RAB3GAP1: variants seen among roughly 807,000 people sequenced by gnomAD.
RAB3GAP1 encodes the protein RAB3 GTPase activating protein catalytic subunit 1.
A neutral mutation model predicts 130.7 loss-of-function variants in RAB3GAP1; 86 were observed. The ratio of observed to expected loss-of-function variants is 0.66; its 90% CI spans 0.55 to 0.79. The LOEUF is 0.79. Among genes scored for constraint, RAB3GAP1 ranks in the 30% least tolerant of loss-of-function variants. RAB3GAP1 has a pLI of 0.00. For missense variants in RAB3GAP1, 1,029 were observed against 1,169.4 expected, an observed-to-expected ratio of 0.88 and a Z score of 1.75; for synonymous variants, 367 against 401.7, an observed-to-expected ratio of 0.91 and a Z score of 1.03.
chr2:135,130,775 T>C (rs1004142587), intron 13 of RAB3GAP1, 54 bp downstream of exon 13: 7 of 1,506,692 alleles, frequency 4.6e-6, no homozygotes, highest in Non-Finnish European at 4.6e-6. Context: ...TTATTCATTA[T>C]ATAGCCAGTT....
intron 17 of RAB3GAP1, among the ~76,000 whole-genome samples, chr2:135,143,791 C>T (rs966870643): frequency 1.2e-4 from 19 of 152,010 alleles, no homozygotes; most frequent in African/African-American, 3.4e-4. Context: ...TCTCCTGACC[C>T]GCCCGCCTCG....
intron 5 of RAB3GAP1, among the ~76,000 whole-genome samples, chr2:135,100,193 G>A (rs1690412442): frequency 6.6e-6 from 1 of 152,144 alleles, no homozygotes; most frequent in African/African-American, 2.4e-5. Context: ...AAAATACATG[G>A]TATTGTCAGA....
intron 5 of RAB3GAP1, among the ~76,000 whole-genome samples, chr2:135,106,756 T>TAAAAAAAAAAA (rs201827793): frequency 1.5e-5 from 1 of 65,678 alleles, no homozygotes; most frequent in African/African-American, 5.9e-5. Flanking sequence ...CAATAAATAC[T>TAAAAAAAAAAA]AAAAAAAAAA....
intron 5 of RAB3GAP1, among the ~76,000 whole-genome samples, chr2:135,103,236 T>C (rs1690504648): frequency 6.6e-6 from 1 of 151,666 alleles, no homozygotes; most frequent in African/African-American, 2.4e-5. Context: ...GGGGTTTCAA[T>C]GTGTTGCCCA....
rs1037927214 is a variant in RAB3GAP1 at position 135,052,424 on chromosome 2, C to T, written c.19-6C>T. 9.3e-6 allele frequency: 15 copies of T among 1,614,044 alleles called. No homozygotes were observed. The highest frequency in any genetic ancestry group is 1.3e-5 in the African/African-American group (1 of 74,930). ...ATTTCTTTTTCTCTCCTTCCCCTTC[C>T]CGCAGCCCGAATCCGAGGTATTTGA... On this transcript the variant is annotated splice_polypyrimidine_tract_variant and splice_region_variant and intron_variant, in intron 1 of 23. Coordinates refer to ENST00000264158, the MANE Select transcript of RAB3GAP1 (RefSeq NM_012233.3).
intron 3 of RAB3GAP1, among the ~76,000 whole-genome samples, chr2:135,067,666 T>C (rs192412991): frequency 4.4e-4 from 67 of 152,366 alleles, no homozygotes; most frequent in African/African-American, 1.6e-3. Flanking sequence ...TTATTTGCTT[T>C]GTGGCATTGT....
downstream of RAB3GAP1, among the ~76,000 whole-genome samples, chr2:135,174,614 T>G (rs576041676): frequency 2.6e-5 from 4 of 152,350 alleles, no homozygotes; most frequent in African/African-American, 9.6e-5. Flanking sequence ...TAATGACTTG[T>G]CCATGCTGTT....
intron 5 of RAB3GAP1, among the ~76,000 whole-genome samples, chr2:135,106,076 C>CA (rs2104900216): frequency 6.6e-6 from 1 of 152,106 alleles, no homozygotes; most frequent in South Asian, 2.1e-4. Context: ...CTCGGCCCGG[C>CA]AGCCGCCCCA....
rs904010292 is a variant in RAB3GAP1, at chr2:135,127,077, G to A, written c.973+421G>A. Among the ~76,000 whole-genome samples the A allele has an allele frequency of 1.8e-3, 280 of 151,498 alleles. 6 individuals are homozygous for A. The highest frequency in any genetic ancestry group is 1.0e-4 in the Non-Finnish European group (7 of 67,830). ...TTTTTAGTAGAGACGGGGTTTCACC[G>A]TGTTATCCAGGATAGTCTTGATCTC... On this transcript the variant is annotated intron_variant, in intron 11 of 23. Coordinates refer to ENST00000264158, the MANE Select transcript of RAB3GAP1 (RefSeq NM_012233.3).
At chr2:135,083,767 G>GTTTTTTT (rs34087354) in intron 3 of RAB3GAP1, among the ~76,000 whole-genome samples, 54 of 98,180 alleles carry the variant, frequency 5.5e-4, no homozygotes, top group Admixed American at 1.1e-3. Context: ...ACCCAACACG[G>GTTTTTTT]TTTTTTTTTT....
intron 18 of RAB3GAP1, among the ~76,000 whole-genome samples, chr2:135,151,801 C>T (rs1692181778): frequency 6.6e-6 from 1 of 152,242 alleles, no homozygotes; most frequent in Non-Finnish European, 1.5e-5. Context: ...TTCCATCTGA[C>T]CTCTAGCTGC....
At chr2:135,059,666 A>G (rs994869290) in intron 3 of RAB3GAP1, among the ~76,000 whole-genome samples, 3 of 152,156 alleles carry the variant, frequency 2.0e-5, no homozygotes, top group African/African-American at 7.2e-5. Flanking sequence ...TGAAATGTAC[A>G]GTCAATTAGT....
chr2:135,105,093 G>A (rs1161843078), intron 5 of RAB3GAP1, among the ~76,000 whole-genome samples: 1 of 152,168 alleles, frequency 6.6e-6, no homozygotes, highest in Non-Finnish European at 1.5e-5. Flanking sequence ...AGATCTGTGG[G>A]TCAGTGTCAA....
intron 9 of RAB3GAP1, among the ~76,000 whole-genome samples, chr2:135,124,635 A>G (rs1691299415): frequency 2.0e-5 from 3 of 152,224 alleles, no homozygotes. Context: ...ATTGCACTCC[A>G]ACCTGGGCAA....
At chr2:135,099,459 G>A (rs1055847400) in intron 5 of RAB3GAP1, among the ~76,000 whole-genome samples, 4 of 145,880 alleles carry the variant, frequency 2.7e-5, no homozygotes, top group African/African-American at 8.1e-5. Context: ...GTGTGTGTGT[G>A]TGTGTGTATG....
At position 135,169,532 on chromosome 2, in the gene RAB3GAP1, C is replaced by T; in HGVS notation, c.*751C>T. ...AGTTATGGCCCTGAAAATCGTCTCCCTCCCCTTCTCTTGCTGTACAGCATG... is the reference window on the plus strand; with the variant it reads ...AGTTATGGCCCTGAAAATCGTCTCCTTCCCCTTCTCTTGCTGTACAGCATG... On this transcript the variant is annotated 3_prime_UTR_variant, in exon 24 of 24. Coordinates refer to ENST00000264158, the MANE Select transcript of RAB3GAP1 (RefSeq NM_012233.3). 5.4e-6 allele frequency: 1 copy of T among 186,900 alleles called. No homozygotes were observed. The highest frequency in any genetic ancestry group is 1.1e-5 in the Non-Finnish European group (1 of 88,816). The allele number at this position is 186,900 out of a possible 1,614,324, so 11.6% of individuals were successfully genotyped here. A position where few individuals can be genotyped will look rare whatever the true frequency, so the allele number is the denominator to read the frequency against.
At chr2:135,082,386 A>G (rs148504855) in intron 3 of RAB3GAP1, among the ~76,000 whole-genome samples, 1 of 151,646 alleles carries the variant, frequency 6.6e-6, no homozygotes, top group African/African-American at 2.4e-5. Context: ...CTTTCTCTCT[A>G]TATATATTTG....
intron 17 of RAB3GAP1, among the ~76,000 whole-genome samples, chr2:135,146,810 A>G (rs150064306): frequency 1.3e-5 from 2 of 152,160 alleles, no homozygotes; most frequent in African/African-American, 4.8e-5. Context: ...TCAATAGTTC[A>G]TGCACATTTT....
chr2:135,118,088 C>T (rs566718733), intron 7 of RAB3GAP1, among the ~76,000 whole-genome samples: 34 of 152,170 alleles, frequency 2.2e-4, no homozygotes, highest in African/African-American at 7.7e-4. Flanking sequence ...TCAAGCAATC[C>T]GCCTGCCCAA....
Sources: allele counts gnomAD v4.1 joint callset (sites outside exome capture counted in the v4.1 genomes callset), GRCh38; gene constraint gnomAD v4.1.1; transcripts MANE v1.5; gene names NCBI Gene and HGNC (gene_info 2026-07-23, HGNC 2026-07-21).